The following NFAT5 variants were observed in gnomAD, a reference collection of about 807,000 sequenced individuals.
The protein encoded by NFAT5 is nuclear factor of activated T cells 5.
In NFAT5, 31 loss-of-function variants were observed where a neutral mutation model predicts 166.5. That is an observed-to-expected ratio of 0.19 (90% CI 0.14 to 0.25). The LOEUF (loss-of-function observed/expected upper bound fraction) is 0.25, where lower values mean the gene tolerates loss of function less well. NFAT5 is among the 10% of genes least tolerant of loss of function. NFAT5 has a pLI of 1.00. For synonymous variants in NFAT5, 612 were observed against 639.7 expected (o/e 0.96, Z 0.65); for missense variants, 1,449 against 1,821.8 (o/e 0.80, Z 3.72).
At chr16:69,672,866 A>C (rs768276069) in intron 9 of NFAT5, among the ~76,000 whole-genome samples, 4 of 152,226 alleles carry the variant, frequency 2.6e-5, no homozygotes, top group Non-Finnish European at 4.4e-5. Flanking sequence ...AAAGATTGAT[A>C]GATAAGGAGA....
intron 7 of NFAT5, among the ~76,000 whole-genome samples, chr16:69,661,283 G>C (rs561291960): frequency 1.3e-3 from 193 of 149,368 alleles, no homozygotes; most frequent in Non-Finnish European, 2.3e-3. Context: ...GTTTAAACCT[G>C]CCAAAAAGTT....
rs532869366 is a variant in NFAT5, at chr16:69,634,524, A to G, written c.253+7996A>G. Among the ~76,000 whole-genome samples, 26 of 152,326 alleles carry G rather than the reference A, an allele frequency of 1.7e-4. No homozygotes were observed. The South Asian group carries it at 5.2e-3, about 30-fold the overall frequency. On this transcript the variant is annotated intron_variant, in intron 3 of 14. Coordinates refer to ENST00000349945, the MANE Select transcript of NFAT5 (RefSeq NM_138713.4). ...ATATTCACTTTTCATCCATCATTGC[A>G]TATATGTATCAAGTATGTGTGTACT...
chr16:69,609,266 C>T lies in NFAT5; in HGVS notation c.128-17137C>T, dbSNP rs1230600800. On this transcript the variant is annotated intron_variant, in intron 2 of 14. Coordinates refer to ENST00000349945, the MANE Select transcript of NFAT5 (RefSeq NM_138713.4). ...AATACAAGCCAATCCATTTTCATTC[C>T]AGCTGCATTTCATGCTTCAGAGTAA... 2.0e-5 allele frequency among the ~76,000 whole-genome samples: 3 copies of T among 152,244 alleles called. No homozygotes were observed. The East Asian group carries it at 5.8e-4, about 29-fold the overall frequency.
chr16:69,581,857 T>C (rs1381512083), intron 2 of NFAT5, among the ~76,000 whole-genome samples: 1 of 152,242 alleles, frequency 6.6e-6, no homozygotes, highest in Non-Finnish European at 1.5e-5. Flanking sequence ...TTGGCTAATT[T>C]GAGCTTATTA....
rs898919971 is a variant in NFAT5 at position 69,701,899 on chromosome 16, G to A, written c.*5548G>A. 1.3e-5 allele frequency: 2 copies of A among 152,190 alleles called. No homozygotes were observed. Among genetic ancestry groups the A allele is most frequent in the Admixed American group, 6.5e-5 (1 of 15,268 alleles). The allele number at this position is 152,190 out of a possible 1,614,324, so 9.4% of individuals were successfully genotyped here. A position where few individuals can be genotyped will look rare whatever the true frequency, so the allele number is the denominator to read the frequency against. ...AAGTGTCAAAGGAAATGAGAAAAAG[G>A]TTATATCTGACTCCCTCCAGACCTA... On this transcript the variant is annotated 3_prime_UTR_variant, in exon 15 of 15. Coordinates refer to ENST00000349945, the MANE Select transcript of NFAT5 (RefSeq NM_138713.4).
At chr16:69,597,320 ATG>A (rs1416274232) in intron 2 of NFAT5, among the ~76,000 whole-genome samples, 1 of 152,192 alleles carries the variant, frequency 6.6e-6, no homozygotes, top group Non-Finnish European at 1.5e-5. Context: ...GGCTAAATAA[ATG>A]TGTTAGAAAT....
chr16:69,611,874 A>G (rs1369454592), intron 2 of NFAT5, among the ~76,000 whole-genome samples: 1 of 152,224 alleles, frequency 6.6e-6, no homozygotes, highest in Non-Finnish European at 1.5e-5. Flanking sequence ...AGCCCATTAG[A>G]ATGGAAGGTC....
intron 3 of NFAT5, chr16:69,646,525 T>C: frequency 1.6e-6 from 2 of 1,255,460 alleles, no homozygotes; most frequent in Non-Finnish European, 2.1e-6. Context: ...AGGATTTGCC[T>C]CTGAAGCAGG....
chr16:69,603,714 T>C (rs1024829572), intron 2 of NFAT5, among the ~76,000 whole-genome samples: 2 of 152,188 alleles, frequency 1.3e-5, no homozygotes, highest in African/African-American at 4.8e-5. Context: ...ATTACACCAC[T>C]GCACTCTAGC....
intron 2 of NFAT5, among the ~76,000 whole-genome samples, chr16:69,615,375 G>A (rs1033216088): frequency 2.0e-5 from 3 of 152,012 alleles, no homozygotes; most frequent in Non-Finnish European, 4.4e-5. Flanking sequence ...ATATGCCCCC[G>A]TAATTCTTTG....
chr16:69,591,967 A>G (rs1230074074), intron 2 of NFAT5, among the ~76,000 whole-genome samples: 1 of 152,182 alleles, frequency 6.6e-6, no homozygotes, highest in East Asian at 1.9e-4. Context: ...TTCCAAAGCT[A>G]TAAAAACTTT....
intron 2 of NFAT5, among the ~76,000 whole-genome samples, chr16:69,606,001 C>T (rs890676935): frequency 1.3e-5 from 2 of 152,232 alleles, no homozygotes; most frequent in Non-Finnish European, 2.9e-5. Context: ...GCATGAGCCA[C>T]CGCGCCCGGC....
intron 1 of NFAT5, 98 bp from the exon 2 acceptor site, chr16:69,568,397 C>A: frequency 2.0e-6 from 1 of 504,112 alleles, no homozygotes; most frequent in Non-Finnish European, 3.5e-6. Context: ...TATATATACA[C>A]ACACACACAT....
intron 3 of NFAT5, among the ~76,000 whole-genome samples, chr16:69,640,923 G>A (rs1245255500): frequency 6.6e-6 from 1 of 151,610 alleles, no homozygotes; most frequent in East Asian, 1.9e-4. Flanking sequence ...AGAGGTTGCA[G>A]TGAGCCAAAA....
intron 10 of NFAT5, among the ~76,000 whole-genome samples, chr16:69,682,018 C>T (rs2037082964): frequency 6.6e-6 from 1 of 151,936 alleles, no homozygotes; most frequent in South Asian, 2.1e-4. Flanking sequence ...GTGAACATGT[C>T]CTGGTTCCAC....
intron 4 of NFAT5, chr16:69,649,235 A>G (rs1396270573): frequency 2.1e-6 from 2 of 956,918 alleles, no homozygotes; most frequent in African/African-American, 1.8e-5. Flanking sequence ...ATTTAATTAC[A>G]TATGTGTGTT....
intron 3 of NFAT5, among the ~76,000 whole-genome samples, chr16:69,643,259 G>T (rs532565861): frequency 1.3e-5 from 2 of 150,962 alleles, no homozygotes; most frequent in Admixed American, 1.3e-4. Flanking sequence ...GGTCAGAACT[G>T]CATTCACACT....
chr16:69,663,196 A>T (rs2036223675), intron 7 of NFAT5, among the ~76,000 whole-genome samples: 1 of 152,120 alleles, frequency 6.6e-6, no homozygotes. Flanking sequence ...TTCTATAGAT[A>T]CTCAGTGGAA....
chr16:69,632,458 G>A (rs1402335998), intron 3 of NFAT5: 1 of 152,094 alleles, frequency 6.6e-6, no homozygotes, highest in East Asian at 1.9e-4. Context: ...ACTAGGCAAT[G>A]TATAGAATAT....
Sources: gnomAD v4.1 joint callset for allele counts (sites outside exome capture counted in the v4.1 genomes callset) on GRCh38, gnomAD v4.1.1 for gene constraint, MANE v1.5 for transcripts, NCBI Gene and HGNC (gene_info 2026-07-23, HGNC 2026-07-21) for gene names.